NRG2: variants seen among roughly 807,000 people sequenced by gnomAD.
The protein encoded by NRG2 is neuregulin 2.
A neutral mutation model predicts 73.9 loss-of-function variants in NRG2; 27 were observed. That is an observed-to-expected ratio of 0.37 (90% CI 0.27 to 0.50). The LOEUF (loss-of-function observed/expected upper bound fraction) is 0.50, where lower values mean the gene tolerates loss of function less well. Ranked by LOEUF, NRG2 falls within the 20% of genes least tolerant of loss-of-function variation. NRG2 has a pLI of 0.96. For synonymous variants in NRG2, 532 were observed against 541.0 expected, an observed-to-expected ratio of 0.98 and a Z score of 0.23; for missense variants, 1,126 against 1,210.1, an observed-to-expected ratio of 0.93 and a Z score of 1.03.
At chr5:139,963,678 A>T (rs1755252410) in intron 1 of NRG2, among the ~76,000 whole-genome samples, 1 of 152,204 alleles carries the variant, frequency 6.6e-6, no homozygotes, top group African/African-American at 2.4e-5. Context: ...GGAGAGGTGA[A>T]GTCTGGCCAG....
rs968363473 is a variant in NRG2 at position 139,904,314 on chromosome 5, C to G, written c.701-16803G>C. ...CGCGCGGAGGTGCCCTACCTTTCTC[C>G]CCGGGATCGGGCTCCCTCTCCCGCT... On this transcript the variant is annotated intron_variant, in intron 1 of 9. Coordinates refer to ENST00000361474, the MANE Select transcript of NRG2 (RefSeq NM_004883.3). This position sits in a 1 kb window ranked among gnomAD's most constrained non-coding sequence, Gnocchi z 6.0. 8.8e-6 allele frequency: 14 copies of G among 1,591,538 alleles called. No individual in the cohort carries two copies. The highest frequency in any genetic ancestry group is 1.2e-5 in the Non-Finnish European group (14 of 1,177,144).
chr5:139,985,660 A>G (rs1561730090), intron 1 of NRG2, among the ~76,000 whole-genome samples: 1 of 152,226 alleles, frequency 6.6e-6, no homozygotes, highest in Non-Finnish European at 1.5e-5. Context: ...AAAGAGGTTT[A>G]CGGACCTTTT....
intron 2 of NRG2, among the ~76,000 whole-genome samples, chr5:139,882,498 G>C (rs1763584708): frequency 6.6e-6 from 1 of 152,170 alleles, no homozygotes; most frequent in Admixed American, 6.5e-5. Flanking sequence ...TCCTTGGCCT[G>C]GTGCCGGCCC....
chr5:139,848,040 C>A lies in NRG2; in HGVS notation c.2430G>T (p.Pro810=). 6.6e-7 allele frequency: 1 copy of A among 1,507,852 alleles called. No individual in the cohort carries two copies. 93.4% of individuals were successfully genotyped at this position (1,507,852 alleles called of 1,614,324 possible). A position where few individuals can be genotyped will look rare whatever the true frequency, so the allele number is the denominator to read the frequency against. Residue 810 remains proline (P), a synonymous_variant, in exon 10 of 10, where the codon CCG becomes CCT. Transcript: ENST00000361474. ...TGCTGTCGGCCGCCGGGCACAGTGG[C>A]GGCGAGTCCGAGCGCAGCGCGTCGT... ...GAHDALRSDS[P]PLCPAADSRT...
chr5:139,966,317 C>T (rs1040376056), intron 1 of NRG2, among the ~76,000 whole-genome samples: 5 of 152,186 alleles, frequency 3.3e-5, no homozygotes, highest in Non-Finnish European at 4.4e-5. Context: ...TGAGCACTTA[C>T]GCGACAGGTA....
intron 1 of NRG2, among the ~76,000 whole-genome samples, chr5:140,000,173 T>A (rs902598624): frequency 6.6e-6 from 1 of 152,206 alleles, no homozygotes; most frequent in African/African-American, 2.4e-5. Flanking sequence ...AGAATCTAGA[T>A]CTTGAGTCTG....
At chr5:139,875,831 G>C (rs902244076) in intron 3 of NRG2, among the ~76,000 whole-genome samples, 3 of 152,176 alleles carry the variant, frequency 2.0e-5, no homozygotes, top group African/African-American at 4.8e-5. Context: ...CAAAAAGAAG[G>C]ATAATAACAT....
intron 1 of NRG2, among the ~76,000 whole-genome samples, chr5:140,041,775 G>T (rs748238891): frequency 3.9e-5 from 6 of 152,098 alleles, no homozygotes; most frequent in Admixed American, 3.9e-4. Flanking sequence ...GGAGCCACAT[G>T]GAGGACGGAA....
chr5:139,917,992 C>T (rs1159662256), intron 1 of NRG2, among the ~76,000 whole-genome samples: 1 of 152,114 alleles, frequency 6.6e-6, no homozygotes, highest in Non-Finnish European at 1.5e-5. Context: ...AGATTTATGC[C>T]TATTTTTTCT....
At chr5:140,024,341 G>C (rs1760496094) in intron 1 of NRG2, among the ~76,000 whole-genome samples, 1 of 150,788 alleles carries the variant, frequency 6.6e-6, no homozygotes, top group South Asian at 2.1e-4. Context: ...TACAAGCTCC[G>C]CCTCCCGGGT....
intron 1 of NRG2, among the ~76,000 whole-genome samples, chr5:140,035,894 A>T (rs1221386552): frequency 6.6e-6 from 1 of 152,214 alleles, no homozygotes; most frequent in Non-Finnish European, 1.5e-5. Flanking sequence ...GAAAAAAAAA[A>T]GTAATCTGAT....
At chr5:139,885,722 T>G (rs1581861971) in intron 2 of NRG2, among the ~76,000 whole-genome samples, 5 of 137,172 alleles carry the variant, frequency 3.6e-5, no homozygotes, top group South Asian at 2.4e-4. Flanking sequence ...GTGTGTGTGG[T>G]GGGGGGGAAT....
chr5:139,905,247 T>C (rs1375747409), intron 1 of NRG2, among the ~76,000 whole-genome samples: 2 of 151,788 alleles, frequency 1.3e-5, no homozygotes, highest in Admixed American at 6.5e-5. Flanking sequence ...AACCATTGGG[T>C]AGGGGCTGCT....
chr5:139,938,945 GAAAGAAAGAAAGAAAAAA>G (rs1561694054), intron 1 of NRG2, among the ~76,000 whole-genome samples: 8 of 107,660 alleles, frequency 7.4e-5, no homozygotes, highest in African/African-American at 3.0e-4. Flanking sequence ...AAGAAAGAAA[GAAAGAAAGAAAGAAAAAA>G]GAAGGAAGGA....
rs1311045523 is a variant in NRG2 at position 139,938,875 on chromosome 5, AG to A, written c.701-51365del. ...AAGAGAGAGAGAGAGAGAGAGAGAG[AG>A]AGAGAAGGAAAGAAAGAAAGAAAGA... On this transcript the variant is annotated intron_variant, in intron 1 of 9. Coordinates refer to ENST00000361474, the MANE Select transcript of NRG2 (RefSeq NM_004883.3). Among the ~76,000 whole-genome samples, 442 of 102,756 alleles carry A rather than the reference AG, an allele frequency of 4.3e-3. 8 individuals carry two copies. The highest frequency in any genetic ancestry group is 6.7e-3 in the South Asian group (14 of 2,082). The allele number at this position is 102,756 out of a possible 152,430, so 67.4% of individuals were successfully genotyped here.
chr5:139,893,259 A>G (rs9687305), intron 1 of NRG2, among the ~76,000 whole-genome samples: 31,785 of 152,134 alleles, frequency 0.21, 3,792 homozygotes, highest in African/African-American at 0.32. Flanking sequence ...TCAGATGAGC[A>G]TATTAGGTTG....
intron 5 of NRG2, among the ~76,000 whole-genome samples, chr5:139,857,180 GTC>G (rs1429388956): frequency 1.3e-5 from 2 of 152,174 alleles, no homozygotes; most frequent in Non-Finnish European, 2.9e-5. Context: ...TGGCTGACCT[GTC>G]TCTGTCTTAG....
At chr5:139,885,923 C>T (rs999939190) in intron 2 of NRG2, among the ~76,000 whole-genome samples, 3 of 152,018 alleles carry the variant, frequency 2.0e-5, no homozygotes, top group Non-Finnish European at 4.4e-5. Flanking sequence ...CCCAACTGCC[C>T]CAGCTCCAAG....
intron 1 of NRG2, among the ~76,000 whole-genome samples, chr5:139,912,934 T>C (rs1750949738): frequency 6.6e-6 from 1 of 152,164 alleles, no homozygotes; most frequent in Non-Finnish European, 1.5e-5. Flanking sequence ...TCTCCACATA[T>C]GTTTCCAGCT....
Sources: allele counts gnomAD v4.1 joint callset (sites outside exome capture counted in the v4.1 genomes callset), GRCh38; gene constraint gnomAD v4.1.1; non-coding constraint Gnocchi (gnomAD v3.1); transcripts MANE v1.5; gene names NCBI Gene and HGNC (gene_info 2026-07-23, HGNC 2026-07-21).